MAF: variants seen among roughly 807,000 people sequenced by gnomAD.
MAF encodes the protein transcription factor Maf.
In MAF, 10 loss-of-function variants were observed where a neutral mutation model predicts 22.0. That is an observed-to-expected ratio of 0.45 (90% confidence interval 0.28 to 0.77). MAF has a LOEUF of 0.77. MAF is among the 30% of genes least tolerant of loss of function. MAF has a pLI of 0.12. For missense variants in MAF, 544 were observed against 548.4 expected (o/e 0.99, Z 0.08); for synonymous variants, 337 against 255.8 (o/e 1.32, Z -3.03).
chr16:79,434,378 A>G, the MAF span, among the ~76,000 whole-genome samples: 1 of 152,178 alleles, frequency 6.6e-6, no homozygotes, highest in African/African-American at 2.4e-5. Flanking sequence ...GCCAATTTCT[A>G]TGGTGTAAAT....
At chr16:79,556,678 A>C in the MAF span, among the ~76,000 whole-genome samples, 1 of 152,184 alleles carries the variant, frequency 6.6e-6, no homozygotes, top group East Asian at 1.9e-4. Context: ...CTTCATCTTA[A>C]ATCAAACACA....
intron 1 of MAF, chr16:79,598,447 G>T: frequency 8.1e-7 from 1 of 1,237,776 alleles, no homozygotes; most frequent in Non-Finnish European, 1.0e-6. Context: ...GGGTGGGGCG[G>T]GGGGGTGTAA....
chr16:79,478,656 G>A, the MAF span, among the ~76,000 whole-genome samples: 2 of 152,072 alleles, frequency 1.3e-5, no homozygotes, highest in African/African-American at 4.8e-5. Flanking sequence ...CTCTCCTAGT[G>A]TTCCATCCCA....
chr16:79,524,887 A>G, the MAF span, among the ~76,000 whole-genome samples: 5 of 152,216 alleles, frequency 3.3e-5, no homozygotes, highest in Admixed American at 3.3e-4. Flanking sequence ...CTGCTTAAAT[A>G]GGAGACAATG....
the MAF span, among the ~76,000 whole-genome samples, chr16:79,224,716 A>T: frequency 6.6e-6 from 1 of 152,236 alleles, no homozygotes; most frequent in South Asian, 2.1e-4. Context: ...TACACCAATA[A>T]TAGACAAACA....
At chr16:79,303,320 C>A in the MAF span, among the ~76,000 whole-genome samples, 1 of 152,202 alleles carries the variant, frequency 6.6e-6, no homozygotes, top group Non-Finnish European at 1.5e-5. Context: ...TGTGCCTCAC[C>A]AGGCAGATAA....
the MAF span, among the ~76,000 whole-genome samples, chr16:79,427,109 G>A: frequency 5.9e-4 from 90 of 152,350 alleles, no homozygotes; most frequent in African/African-American, 2.1e-3. Flanking sequence ...AGGACCACAC[G>A]TGATAATGAG....
chr16:79,501,468 T>C, the MAF span, among the ~76,000 whole-genome samples: 1 of 152,188 alleles, frequency 6.6e-6, no homozygotes, highest in Non-Finnish European at 1.5e-5. Flanking sequence ...CAGTAGGTCT[T>C]GTCTGCCTTT....
the MAF span, among the ~76,000 whole-genome samples, chr16:79,496,953 T>C: frequency 6.6e-6 from 1 of 152,240 alleles, no homozygotes; most frequent in South Asian, 2.1e-4. Flanking sequence ...TATTGGTTGA[T>C]GTAATTCTTG....
downstream of MAF, among the ~76,000 whole-genome samples, chr16:79,583,942 G>A (rs1354992902): frequency 1.3e-5 from 2 of 152,200 alleles, no homozygotes; most frequent in Admixed American, 1.3e-4. Flanking sequence ...CAGCATGCAT[G>A]TTGGTTGATG....
the MAF span, among the ~76,000 whole-genome samples, chr16:79,530,978 G>C: frequency 1.3e-5 from 2 of 152,176 alleles, no homozygotes; most frequent in Non-Finnish European, 1.5e-5. Context: ...GAAACCAGGA[G>C]ACTTGCCCTA....
chr16:79,593,948 G>C lies in MAF; in HGVS notation c.*512C>G, dbSNP rs936102148. ...AAATGCAACACCGTCTAGGGCCTAC[G>C]AGAAAACCAGGGGGCTCGGCTCCGC... On this transcript the variant is annotated 3_prime_UTR_variant, in exon 2 of 2. Transcript: ENST00000326043. 2 of 209,364 alleles carry C rather than the reference G, an allele frequency of 9.6e-6. No homozygotes were observed. The highest frequency in any genetic ancestry group is 1.6e-4 in the South Asian group (1 of 6,264). The allele number at this position is 209,364 out of a possible 1,614,324, so 13.0% of individuals were successfully genotyped here.
chr16:79,240,487 GAAAAAAAAAAAAAAAAAAAAAAAAAAAA>G, the MAF span, among the ~76,000 whole-genome samples: 344 of 60,736 alleles, frequency 5.7e-3, 1 homozygote, highest in African/African-American at 9.6e-3. Flanking sequence ...AGCATCTCTG[GAAAAAAAAAAAAAAAAAAAAAAAAAAAA>G]AAAAAAAAAA....
the MAF span, among the ~76,000 whole-genome samples, chr16:79,431,488 A>C: frequency 6.6e-6 from 1 of 152,196 alleles, no homozygotes; most frequent in South Asian, 2.1e-4. Context: ...TAAGTATTTA[A>C]ATATTCCTGG....
the MAF span, among the ~76,000 whole-genome samples, chr16:79,430,003 T>G: frequency 6.6e-6 from 1 of 152,158 alleles, no homozygotes; most frequent in Non-Finnish European, 1.5e-5. Flanking sequence ...TCTTCTACCC[T>G]GGAGTTCTGG....
At chr16:79,489,214 T>TATCC in the MAF span, among the ~76,000 whole-genome samples, 6 of 152,098 alleles carry the variant, frequency 3.9e-5, no homozygotes, top group African/African-American at 1.4e-4. Flanking sequence ...TTCCTCTATC[T>TATCC]ATCCATCCAT....
chr16:79,563,361 A>G, the MAF span, among the ~76,000 whole-genome samples: 2 of 152,200 alleles, frequency 1.3e-5, no homozygotes, highest in Non-Finnish European at 2.9e-5. Flanking sequence ...CTTTGTGTTT[A>G]AATTTAAAAA....
chr16:79,470,919 A>T, the MAF span, among the ~76,000 whole-genome samples: 2 of 152,332 alleles, frequency 1.3e-5, no homozygotes, highest in South Asian at 4.1e-4. Flanking sequence ...CACTCAAATT[A>T]TTCAGTTAAC....
At chr16:79,471,518 C>T in the MAF span, among the ~76,000 whole-genome samples, 1 of 152,062 alleles carries the variant, frequency 6.6e-6, no homozygotes, top group African/African-American at 2.4e-5. Flanking sequence ...TAGAAAAAAA[C>T]CCACAAAAAT....
Sources: gnomAD v4.1 joint callset for allele counts (sites outside exome capture counted in the v4.1 genomes callset) on GRCh38, gnomAD v4.1.1 for gene constraint, MANE v1.5 for transcripts, NCBI Gene and HGNC (gene_info 2026-07-23, HGNC 2026-07-21) for gene names.